The following STARD13 variants were observed in gnomAD, a reference collection of about 807,000 sequenced individuals.
STARD13 encodes the protein StAR related lipid transfer domain containing 13.
A neutral mutation model predicts 106.4 loss-of-function variants in STARD13; 62 were observed. The ratio of observed to expected loss-of-function variants is 0.58; its 90% CI spans 0.48 to 0.72. The LOEUF (loss-of-function observed/expected upper bound fraction) is 0.72, where lower values mean the gene tolerates loss of function less well. STARD13 is among the 30% of genes least tolerant of loss of function. STARD13 has a pLI of 0.00. For missense variants in STARD13, 1,387 were observed against 1,424.0 expected (o/e 0.97, Z 0.42); for synonymous variants, 565 against 553.0 (o/e 1.02, Z -0.31).
At chr13:33,564,808 A>T in the STARD13 span, among the ~76,000 whole-genome samples, 1 of 146,162 alleles carries the variant, frequency 6.8e-6, no homozygotes. Context: ...CCTGGCTAAC[A>T]CGGTGAAACC....
chr13:33,156,957 A>T (rs1882054656), intron 3 of STARD13, among the ~76,000 whole-genome samples: 1 of 152,204 alleles, frequency 6.6e-6, no homozygotes, highest in African/African-American at 2.4e-5. Context: ...ATTGTCACTT[A>T]TTATTTATTA....
the STARD13 span, among the ~76,000 whole-genome samples, chr13:33,450,671 T>C: frequency 1.3e-5 from 2 of 152,296 alleles, no homozygotes; most frequent in South Asian, 2.1e-4. Flanking sequence ...CAAGACATAA[T>C]GGTTGCACAA....
chr13:33,306,706 T>C (rs534807238), intron 1 of STARD13, among the ~76,000 whole-genome samples: 2 of 152,160 alleles, frequency 1.3e-5, no homozygotes, highest in Admixed American at 1.3e-4. Context: ...TCACAGAATT[T>C]TGGGAGGCCA....
the STARD13 span, among the ~76,000 whole-genome samples, chr13:33,676,004 C>T: frequency 1.3e-5 from 2 of 152,114 alleles, no homozygotes; most frequent in African/African-American, 4.8e-5. Context: ...AAATAATTGC[C>T]TTCTATATTG....
chr13:33,582,228 A>C, the STARD13 span, among the ~76,000 whole-genome samples: 16 of 142,172 alleles, frequency 1.1e-4, no homozygotes, highest in Non-Finnish European at 3.1e-5. Context: ...TCTCAAAAAA[A>C]AAAGAAAAAA....
At chr13:33,601,954 C>T in the STARD13 span, among the ~76,000 whole-genome samples, 1 of 152,052 alleles carries the variant, frequency 6.6e-6, no homozygotes, top group Non-Finnish European at 1.5e-5. Flanking sequence ...TTTAAGCAGT[C>T]GTATGGAAAA....
the STARD13 span, among the ~76,000 whole-genome samples, chr13:33,440,150 G>A: frequency 6.6e-6 from 1 of 151,880 alleles, no homozygotes; most frequent in South Asian, 2.1e-4. Flanking sequence ...ATGGTGGCAT[G>A]TGCCTGTAGT....
At chr13:33,500,106 C>G in the STARD13 span, among the ~76,000 whole-genome samples, 3 of 152,120 alleles carry the variant, frequency 2.0e-5, no homozygotes, top group Admixed American at 1.3e-4. Context: ...CCTCAAGACT[C>G]TACCTTAATT....
At chr13:33,673,550 C>CTTTTTTTTTTTTTTTTTTTTTT in the STARD13 span, among the ~76,000 whole-genome samples, 3 of 137,182 alleles carry the variant, frequency 2.2e-5, no homozygotes, top group African/African-American at 9.0e-5. Flanking sequence ...ACTATTAACT[C>CTTTTTTTTTTTTTTTTTTTTTT]TTTTTTTTTT....
At chr13:33,380,611 G>C in the STARD13 span, among the ~76,000 whole-genome samples, 1 of 151,888 alleles carries the variant, frequency 6.6e-6, no homozygotes, top group Non-Finnish European at 1.5e-5. Flanking sequence ...TAGTCAAAGG[G>C]GGAGGCAGGA....
chr13:33,366,313 A>G, the STARD13 span, among the ~76,000 whole-genome samples: 1 of 152,166 alleles, frequency 6.6e-6, no homozygotes, highest in Admixed American at 6.5e-5. The surrounding 1 kb of genome is among the most constrained non-coding windows in gnomAD (Gnocchi z 4.2). Context: ...TTTAATAAAT[A>G]TTTCTGAGGC....
the STARD13 span, among the ~76,000 whole-genome samples, chr13:33,580,914 A>G: frequency 2.0e-5 from 3 of 152,196 alleles, no homozygotes; most frequent in Non-Finnish European, 2.9e-5. Context: ...CTACTTCTTA[A>G]GAAACCCAAA....
chr13:33,255,736 C>G (rs990310908), intron 1 of STARD13, among the ~76,000 whole-genome samples: 2 of 152,190 alleles, frequency 1.3e-5, no homozygotes, highest in Admixed American at 1.3e-4. Context: ...TTCTGCCACA[C>G]TCCCTCCAGG....
At chr13:33,580,727 A>C in the STARD13 span, among the ~76,000 whole-genome samples, 1 of 152,268 alleles carries the variant, frequency 6.6e-6, no homozygotes, top group South Asian at 2.1e-4. Context: ...CTAAAAAATA[A>C]AGTCTATTCA....
the STARD13 span, among the ~76,000 whole-genome samples, chr13:33,529,453 T>G: frequency 1.3e-5 from 2 of 152,198 alleles, no homozygotes; most frequent in African/African-American, 4.8e-5. Context: ...AGTATATCTT[T>G]GGAGCCCTCA....
At chr13:33,602,184 C>T in the STARD13 span, among the ~76,000 whole-genome samples, 1 of 151,776 alleles carries the variant, frequency 6.6e-6, no homozygotes, top group Non-Finnish European at 1.5e-5. Flanking sequence ...CTCTGCCTCC[C>T]AGGTTCAAGC....
chr13:33,132,030 C>T (rs1251060226), intron 4 of STARD13, among the ~76,000 whole-genome samples: 1 of 152,172 alleles, frequency 6.6e-6, no homozygotes, highest in Admixed American at 6.5e-5. Context: ...TTTAAGGAAA[C>T]CTAAGCAGAT....
At chr13:33,290,033 T>C (rs1184300525), upstream of STARD13, among the ~76,000 whole-genome samples, 5 of 152,168 alleles carry the variant, frequency 3.3e-5, no homozygotes, top group Non-Finnish European at 7.4e-5. Flanking sequence ...AAATTTGACC[T>C]CTAAGCAAAA....
At chr13:33,419,460 G>A in the STARD13 span, among the ~76,000 whole-genome samples, 10 of 152,150 alleles carry the variant, frequency 6.6e-5, no homozygotes, top group Non-Finnish European at 1.3e-4. Flanking sequence ...CAAGAAATAC[G>A]CGACTATGTG....
Sources: allele counts gnomAD v4.1 joint callset (sites outside exome capture counted in the v4.1 genomes callset), GRCh38; gene constraint gnomAD v4.1.1; non-coding constraint Gnocchi (gnomAD v3.1); transcripts MANE v1.5; gene names NCBI Gene and HGNC (gene_info 2026-07-23, HGNC 2026-07-21).